The following SNX29 variants were observed in gnomAD, a reference collection of about 807,000 sequenced individuals.
SNX29 encodes sorting nexin-29.
A neutral mutation model predicts 102.1 loss-of-function variants in SNX29; 78 were observed. The observed-to-expected ratio is 0.76, with a 90% CI of 0.64 to 0.92. The LOEUF is 0.92. Among genes scored for constraint, SNX29 ranks in the 40% least tolerant of loss-of-function variants. The pLI, the probability that SNX29 is intolerant of heterozygous loss-of-function variation, is 0.00. For missense variants in SNX29, 1,280 were observed against 1,061.7 expected (o/e 1.21, Z -2.86); for synonymous variants, 580 against 414.5 (o/e 1.40, Z -4.85).
intron 11 of SNX29, among the ~76,000 whole-genome samples, chr16:12,121,474 G>T (rs1332860898): frequency 6.6e-6 from 1 of 152,258 alleles, no homozygotes; most frequent in Non-Finnish European, 1.5e-5. Flanking sequence ...GCTGGCCCTT[G>T]GGTAGCCGCC....
intron 20 of SNX29, among the ~76,000 whole-genome samples, chr16:12,541,857 C>T (rs537034723): frequency 6.6e-6 from 1 of 152,254 alleles, no homozygotes; most frequent in African/African-American, 2.4e-5. Context: ...TAGCACATGC[C>T]TGGAAACCAG....
chr16:12,354,349 C>T (rs890945852), intron 15 of SNX29, among the ~76,000 whole-genome samples: 11 of 152,092 alleles, frequency 7.2e-5, no homozygotes, highest in Non-Finnish European at 1.3e-4. Context: ...CCTTTTCATT[C>T]CCTAGTGAAA....
chr16:12,532,852 G>C (rs115844503), intron 20 of SNX29, among the ~76,000 whole-genome samples: 2,055 of 152,310 alleles, frequency 0.013, 41 homozygotes, highest in African/African-American at 0.046. Flanking sequence ...GTGTCTCCCA[G>C]AGAAGCCTTC....
intron 14 of SNX29, among the ~76,000 whole-genome samples, chr16:12,214,423 G>T (rs1261186040): frequency 1.3e-5 from 2 of 152,216 alleles, no homozygotes; most frequent in Non-Finnish European, 2.9e-5. Flanking sequence ...GAGCTGACAG[G>T]TGGCTTGTTT....
chr16:12,130,337 T>C (rs1346168319), intron 13 of SNX29, among the ~76,000 whole-genome samples: 3 of 149,826 alleles, frequency 2.0e-5, no homozygotes, highest in Middle Eastern at 3.5e-3. Flanking sequence ...TAGCCGGGAG[T>C]GGTGACGGAC....
intron 20 of SNX29, among the ~76,000 whole-genome samples, chr16:12,560,289 T>C (rs1025109306): frequency 1.3e-5 from 2 of 152,164 alleles, no homozygotes; most frequent in African/African-American, 4.8e-5. Flanking sequence ...CACAGTGTTA[T>C]TGAAAGCACA....
chr16:12,563,946 CAAGA>C (rs1321657882), intron 20 of SNX29, among the ~76,000 whole-genome samples: 16 of 152,056 alleles, frequency 1.1e-4, no homozygotes, highest in Non-Finnish European at 2.1e-4. Flanking sequence ...TGATCTTGTT[CAAGA>C]AAGACGAGGA....
At chr16:12,387,628 C>G (rs887307115) in intron 16 of SNX29, among the ~76,000 whole-genome samples, 1 of 152,098 alleles carries the variant, frequency 6.6e-6, no homozygotes, top group Non-Finnish European at 1.5e-5. Flanking sequence ...ATGTCGCAGG[C>G]GTCGTGGTGG....
intron 20 of SNX29, among the ~76,000 whole-genome samples, chr16:12,559,345 G>A (rs1015628628): frequency 4.6e-5 from 7 of 151,724 alleles, no homozygotes; most frequent in Admixed American, 3.9e-4. Flanking sequence ...TAGGCTGCAT[G>A]CTACTTACGA....
At chr16:12,548,013 C>G (rs538703622) in intron 20 of SNX29, among the ~76,000 whole-genome samples, 3 of 152,118 alleles carry the variant, frequency 2.0e-5, no homozygotes, top group Admixed American at 6.5e-5. Flanking sequence ...GCATCCTGGA[C>G]TTTTGCACTG....
At chr16:12,135,577 T>C (rs1278819545) in intron 13 of SNX29, 2 of 1,336,120 alleles carry the variant, frequency 1.5e-6, no homozygotes, top group African/African-American at 2.9e-5. Context: ...GTGAGGAGAT[T>C]CTAACCCCAC....
intron 9 of SNX29, among the ~76,000 whole-genome samples, chr16:12,066,853 C>T (rs913135419): frequency 2.6e-5 from 4 of 151,738 alleles, no homozygotes; most frequent in African/African-American, 9.7e-5. Flanking sequence ...TTGATGCCAC[C>T]CTCACTGAGC....
intron 15 of SNX29, among the ~76,000 whole-genome samples, chr16:12,294,703 C>G (rs1290692486): frequency 6.6e-6 from 1 of 152,138 alleles, no homozygotes; most frequent in African/African-American, 2.4e-5. Context: ...GCCTATGTCC[C>G]CAGGCTGGCT....
At chr16:12,321,901 G>A (rs944841889) in intron 15 of SNX29, among the ~76,000 whole-genome samples, 5 of 152,210 alleles carry the variant, frequency 3.3e-5, no homozygotes, top group Admixed American at 3.3e-4. Context: ...AGGTGGCCCA[G>A]CGTGGATGAG....
intron 19 of SNX29, among the ~76,000 whole-genome samples, chr16:12,511,153 GT>G (rs1269951562): frequency 2.0e-5 from 3 of 152,140 alleles, no homozygotes; most frequent in African/African-American, 7.2e-5. Context: ...TGGTATTTTG[GT>G]TCACCCTATG....
intron 20 of SNX29, among the ~76,000 whole-genome samples, chr16:12,550,160 G>C (rs899463744): frequency 2.6e-5 from 4 of 152,192 alleles, no homozygotes; most frequent in Admixed American, 1.3e-4. Flanking sequence ...CGCATGTAGT[G>C]ATATGGAAAA....
rs148192350 is a variant in SNX29, at chr16:12,315,285, A to G, written c.1782+37249A>G. ...TCAAACAGTAGGGGCCTTGCTCCGG[A>G]CCAGGGATGAGTATTTTTCTTCCAT... On this transcript the variant is annotated intron_variant, in intron 15 of 20. Transcript: ENST00000566228. 2.2e-4 allele frequency among the ~76,000 whole-genome samples: 34 copies of G among 152,274 alleles called. No homozygotes were observed. In the East Asian group the frequency reaches 6.2e-3, roughly 28 times the overall value.
At chr16:12,223,844 C>A (rs1228439632) in intron 14 of SNX29, among the ~76,000 whole-genome samples, 3 of 152,174 alleles carry the variant, frequency 2.0e-5, no homozygotes, top group East Asian at 3.8e-4. Context: ...AGGCTGTTGG[C>A]AAGCATTTCA....
chr16:12,479,527 C>G (rs2087808950), intron 19 of SNX29, among the ~76,000 whole-genome samples: 1 of 152,174 alleles, frequency 6.6e-6, no homozygotes. Flanking sequence ...TACATTTGTC[C>G]TTCATTTTTC....
Sources: allele counts gnomAD v4.1 joint callset (sites outside exome capture counted in the v4.1 genomes callset), GRCh38; gene constraint gnomAD v4.1.1; transcripts MANE v1.5; gene names NCBI Gene and HGNC (gene_info 2026-07-23, HGNC 2026-07-21).